Variants in MINK1 observed in about 807,000 individuals in gnomAD.
MINK1 encodes the protein misshapen like kinase 1.
Under a neutral mutation model 178.4 loss-of-function variants are expected in MINK1, and 46 were observed. The ratio of observed to expected loss-of-function variants is 0.26; its 90% CI spans 0.20 to 0.33. The LOEUF (loss-of-function observed/expected upper bound fraction) is 0.33. Ranked by LOEUF, MINK1 falls within the 10% of genes least tolerant of loss-of-function variation. The probability of loss-of-function intolerance (pLI) is 1.00; values close to 1 mark genes in which losing one functional copy is unlikely to be tolerated. For missense variants in MINK1, 1,366 were observed against 1,814.9 expected, an observed-to-expected ratio of 0.75 and a Z score of 4.49; for synonymous variants, 797 against 709.7, an observed-to-expected ratio of 1.12 and a Z score of -1.96.
intron 1 of MINK1, among the ~76,000 whole-genome samples, chr17:4,865,469 A>G (rs1484779805): frequency 4.6e-5 from 7 of 151,882 alleles, no homozygotes; most frequent in Non-Finnish European, 8.8e-5. Flanking sequence ...ATAACCAGAC[A>G]CTGGACTAGA....
chr17:4,892,167 T>A lies in MINK1; in HGVS notation c.2020T>A (p.Ser674Thr). The change falls in exon 17 of 32, where the codon TCT (serine) becomes ACT (threonine). Residue 674 changes from serine to threonine, a missense_variant. Ser to Thr is a moderately conservative substitution (Grantham distance 58). Coordinates refer to ENST00000355280, the MANE Select transcript of MINK1 (RefSeq NM_153827.5). The stretch of plus-strand genomic sequence containing the variant: ...TCCACAGGTGCCTCAGAGGACCTCA[T>A]CTATCGCCACTGCCCTTAACACCAG... ...APPKVPQRTS[S>T]IATALNTSGA... 2 of 1,600,288 alleles carry A rather than the reference T, an allele frequency of 1.2e-6. No individual in the cohort carries two copies. The highest frequency in any genetic ancestry group is 1.7e-6 in the Non-Finnish European group (2 of 1,174,454).
At chr17:4,877,706 C>CA (rs1967309199) in intron 1 of MINK1, among the ~76,000 whole-genome samples, 1 of 150,052 alleles carries the variant, frequency 6.7e-6, no homozygotes, top group East Asian at 2.0e-4. Context: ...CGGGCACCCT[C>CA]ATTTTGCACA....
At chr17:4,880,355 T>C (rs1269893929) in intron 2 of MINK1, among the ~76,000 whole-genome samples, 4 of 149,876 alleles carry the variant, frequency 2.7e-5, no homozygotes, top group African/African-American at 9.8e-5. Flanking sequence ...GGGAGTGCAG[T>C]GGCACAGTCT....
chr17:4,881,262 GA>G lies in MINK1; in HGVS notation c.306+8del. ...GGAAACGATGACCAGCTCTGGGTGAGAAACGCCCCCCTGCCCGCCTTCCCTC... is the reference window on the plus strand; with the variant it reads ...GGAAACGATGACCAGCTCTGGGTGAGAACGCCCCCCTGCCCGCCTTCCCTC... On this transcript the variant is annotated splice_donor_region_variant and intron_variant, in intron 4 of 31. Coordinates refer to ENST00000355280, the MANE Select transcript of MINK1 (RefSeq NM_153827.5). 6.5e-7 allele frequency: 1 copy of G among 1,536,882 alleles called. No individual in the cohort carries two copies. Among genetic ancestry groups the G allele is most frequent in the Non-Finnish European group, 8.7e-7 (1 of 1,146,780 alleles).
At position 4,883,698 on chromosome 17, in the gene MINK1, CTTTTTTTT is replaced by C. The variant is rs35648380; in HGVS notation, c.307-651_307-644del. ...AGGAGCCCGCCACCACGCCCGGCTA[CTTTTTTTT>C]TTTTTTTTTTTTTAGTAGAGACAGG... On this transcript the variant is annotated intron_variant, in intron 4 of 31. Coordinates refer to ENST00000355280, the MANE Select transcript of MINK1 (RefSeq NM_153827.5). Among the ~76,000 whole-genome samples, 5 of 123,086 alleles carry C rather than the reference CTTTTTTTT, an allele frequency of 4.1e-5. No individual in the cohort carries two copies. In the South Asian group the frequency reaches 1.1e-3, roughly 26 times the overall value. The allele number at this position is 123,086 out of a possible 152,430, so 80.7% of individuals were successfully genotyped here.
intron 19 of MINK1, 63 bp downstream of exon 19, chr17:4,892,831 C>CT: frequency 6.8e-7 from 1 of 1,470,056 alleles, no homozygotes. Context: ...TGGACCCTGC[C>CT]TTTGGTGGCT....
At chr17:4,873,851 G>A (rs1034632893) in intron 1 of MINK1, among the ~76,000 whole-genome samples, 4 of 151,814 alleles carry the variant, frequency 2.6e-5, no homozygotes, top group Non-Finnish European at 2.9e-5. Flanking sequence ...AACTCCTGAC[G>A]TCTGATGATC....
Position 4,895,565 on chromosome 17 carries a change from A to T in MINK1, c.3229+72A>T, listed in dbSNP as rs1335285378. 4.5e-6 allele frequency: 7 copies of T among 1,548,022 alleles called. No individual in the cohort carries two copies. The East Asian group carries it at 1.4e-4, about 30-fold the overall frequency. Reference sequence around the variant, plus strand: ...GCGCTGTCACCATCTTCTGCCTGGGAGGAGGGCAGGCACTGGAAGGTGGGG... The same window carrying T: ...GCGCTGTCACCATCTTCTGCCTGGGTGGAGGGCAGGCACTGGAAGGTGGGG... On this transcript the variant is annotated intron_variant, in intron 26 of 31. Transcript: ENST00000355280. The surrounding 1 kb of genome is among the most constrained non-coding windows in gnomAD (Gnocchi z 4.3).
intron 1 of MINK1, among the ~76,000 whole-genome samples, chr17:4,863,391 C>A (rs1301686803): frequency 6.6e-6 from 1 of 152,192 alleles, no homozygotes; most frequent in African/African-American, 2.4e-5. Context: ...TGGCATCTTC[C>A]CTTTTATTTG....
At chr17:4,862,653 CAA>C (rs562640414) in intron 1 of MINK1, among the ~76,000 whole-genome samples, 12 of 123,918 alleles carry the variant, frequency 9.7e-5, no homozygotes, top group East Asian at 2.4e-4. Flanking sequence ...GAATCCATCT[CAA>C]AAAAAAAAAA....
chr17:4,896,983 C>A lies in MINK1; in HGVS notation c.3915+170C>A, dbSNP rs1969584630. ...CACTGCCCTGCGCTCCCTTCAGATT[C>A]CGAGGACTTCCCAGCTGGCCCCCAG... On this transcript the variant is annotated intron_variant, in intron 31 of 31. Coordinates refer to ENST00000355280, the MANE Select transcript of MINK1 (RefSeq NM_153827.5). The surrounding 1 kb of genome is among the most constrained non-coding windows in gnomAD (Gnocchi z 4.6). 3 of 1,040,344 alleles carry A rather than the reference C, an allele frequency of 2.9e-6. No homozygotes were observed. Among genetic ancestry groups the A allele is most frequent in the Non-Finnish European group, 2.7e-6 (2 of 729,106 alleles). The allele number at this position is 1,040,344 out of a possible 1,614,324, so 64.4% of individuals were successfully genotyped here.
At chr17:4,872,063 G>A (rs1915921217) in intron 1 of MINK1, among the ~76,000 whole-genome samples, 1 of 152,178 alleles carries the variant, frequency 6.6e-6, no homozygotes. Context: ...GGGTACAGTG[G>A]CTCACTCCTG....
chr17:4,891,799 G>A (rs1301017544), intron 16 of MINK1, 83 bp downstream of exon 16: 2 of 1,477,940 alleles, frequency 1.4e-6, no homozygotes, highest in Non-Finnish European at 1.8e-6. Context: ...AGGCCACATG[G>A]AGGAAGAGTG....
chr17:4,894,375 G>T lies in MINK1; in HGVS notation c.2808+64G>T. 1 of 1,573,350 alleles carries T rather than the reference G, an allele frequency of 6.4e-7. No homozygotes were observed. The highest frequency in any genetic ancestry group is 8.6e-7 in the Non-Finnish European group (1 of 1,160,346). On this transcript the variant is annotated intron_variant, in intron 23 of 31. Coordinates refer to ENST00000355280, the MANE Select transcript of MINK1 (RefSeq NM_153827.5). This position sits in a 1 kb window ranked among gnomAD's most constrained non-coding sequence, Gnocchi z 4.1. ...CCCTGGCGATGGGCAGGAGGTCCCG[G>T]TGCTGGGTAACGGCAGAGGATGGGG...
intron 16 of MINK1, among the ~76,000 whole-genome samples, 171 bp downstream of exon 16, chr17:4,891,887 G>A (rs1418561609): frequency 6.6e-6 from 1 of 152,218 alleles, no homozygotes; most frequent in Non-Finnish European, 1.5e-5. Flanking sequence ...ACGTGGAGGG[G>A]TGGCATCGAT....
chr17:4,837,580 A>G (rs1885840045), intron 1 of MINK1, among the ~76,000 whole-genome samples: 1 of 152,264 alleles, frequency 6.6e-6, no homozygotes, highest in Admixed American at 6.5e-5. Context: ...GCTTGGTTAT[A>G]TTCCAGGAGA....
At position 4,896,995 on chromosome 17, in the gene MINK1, C is replaced by T. The variant is rs2302317; in HGVS notation, c.3915+182C>T. 353,638 of 997,962 alleles carry T rather than the reference C, an allele frequency of 0.35. 71,877 individuals are homozygous for T. Among genetic ancestry groups the T allele is most frequent in the East Asian group, 0.81 (30,386 of 37,728 alleles). The allele number at this position is 997,962 out of a possible 1,614,324, so 61.8% of individuals were successfully genotyped here. A position where few individuals can be genotyped will look rare whatever the true frequency, so the allele number is the denominator to read the frequency against. ...CTCCCTTCAGATTCCGAGGACTTCCCAGCTGGCCCCCAGGGGGCGAGTGGT... is the reference window on the plus strand; with the variant it reads ...CTCCCTTCAGATTCCGAGGACTTCCTAGCTGGCCCCCAGGGGGCGAGTGGT... On this transcript the variant is annotated intron_variant, in intron 31 of 31. Coordinates refer to ENST00000355280, the MANE Select transcript of MINK1 (RefSeq NM_153827.5). The surrounding 1 kb of genome is among the most constrained non-coding windows in gnomAD (Gnocchi z 4.6).
At chr17:4,839,158 T>C (rs1384877281) in intron 1 of MINK1, among the ~76,000 whole-genome samples, 4 of 152,182 alleles carry the variant, frequency 2.6e-5, no homozygotes, top group South Asian at 2.1e-4. Flanking sequence ...TTAGCCAGGA[T>C]GGTCTTGATC....
At chr17:4,858,466 TA>T (rs1278961921) in intron 1 of MINK1, among the ~76,000 whole-genome samples, 5 of 150,064 alleles carry the variant, frequency 3.3e-5, no homozygotes, top group Admixed American at 6.6e-5. Flanking sequence ...TATTTTTTTT[TA>T]ATTTAAATTT....
Sources: gnomAD v4.1 joint callset for allele counts (sites outside exome capture counted in the v4.1 genomes callset) on GRCh38, gnomAD v4.1.1 for gene constraint, Gnocchi (gnomAD v3.1) non-coding constraint, MANE v1.5 for transcripts, NCBI Gene and HGNC (gene_info 2026-07-23, HGNC 2026-07-21) for gene names.